Variants in RCOR1 observed in about 807,000 individuals in gnomAD.
RCOR1 encodes the protein REST corepressor 1, also known as REST corepressor.
In RCOR1, 12 loss-of-function variants were observed where a neutral mutation model predicts 64.0. The observed-to-expected ratio is 0.19, with a 90% CI of 0.12 to 0.30. RCOR1 has a LOEUF of 0.30. RCOR1 is among the 10% of genes least tolerant of loss of function. The pLI is 1.00. For missense variants in RCOR1, 502 were observed against 621.2 expected (o/e 0.81, Z 2.04); for synonymous variants, 279 against 227.2 (o/e 1.23, Z -2.05).
chr14:102,692,863 T>C (rs926539187), intron 3 of RCOR1, among the ~76,000 whole-genome samples: 14 of 151,474 alleles, frequency 9.2e-5, no homozygotes, highest in Admixed American at 3.3e-4. Context: ...CCTCCCAGGT[T>C]CAAGCAATTC....
At chr14:102,697,778 T>C (rs2139975367) in intron 3 of RCOR1, among the ~76,000 whole-genome samples, 1 of 151,910 alleles carries the variant, frequency 6.6e-6, no homozygotes, top group East Asian at 1.9e-4. Context: ...TGGAATGCAG[T>C]GGCACGATCT....
intron 3 of RCOR1, among the ~76,000 whole-genome samples, chr14:102,690,574 G>A (rs1049088488): frequency 7.9e-5 from 12 of 152,156 alleles, no homozygotes; most frequent in African/African-American, 2.7e-4. Context: ...CTGGGCAACA[G>A]CAGGACCCTG....
In RCOR1 at chr14:102,719,491, C is replaced by T. The variant is rs561583016; in HGVS notation, c.1054-1516C>T. 4.6e-5 allele frequency among the ~76,000 whole-genome samples: 7 copies of T among 152,204 alleles called. No individual in the cohort carries two copies. The East Asian group carries it at 1.4e-3, about 29-fold the overall frequency. On this transcript the variant is annotated intron_variant, in intron 8 of 11. Transcript: ENST00000262241. ...TTCAATTCCCACCTATGAGTGAGAA[C>T]ATGCGGTGTTTGGTTTTCTGTCCTT...
intron 5 of RCOR1, 86 bp from the exon 6 acceptor site, chr14:102,708,379 C>A: frequency 1.3e-6 from 1 of 773,058 alleles, no homozygotes; most frequent in Non-Finnish European, 2.3e-6. Context: ...GGATTACAGG[C>A]GTGAGCCGCT....
intron 2 of RCOR1, among the ~76,000 whole-genome samples, chr14:102,601,639 A>C (rs536064845): frequency 6.6e-6 from 1 of 152,180 alleles, no homozygotes; most frequent in Non-Finnish European, 1.5e-5. Context: ...GTTCAGAGAA[A>C]ATCTCAGCCA....
At chr14:102,652,609 C>T (rs1894615446) in intron 2 of RCOR1, among the ~76,000 whole-genome samples, 1 of 152,120 alleles carries the variant, frequency 6.6e-6, no homozygotes, top group Non-Finnish European at 1.5e-5. Flanking sequence ...TTTATTGTGT[C>T]CTTTCATTGA....
At chr14:102,676,405 T>A (rs547930731) in intron 2 of RCOR1, among the ~76,000 whole-genome samples, 18,623 of 100,062 alleles carry the variant, frequency 0.19, 1,476 homozygotes, top group East Asian at 0.24. Context: ...CACTTCCCAG[T>A]AGGGGCGGCC....
intron 2 of RCOR1, among the ~76,000 whole-genome samples, chr14:102,614,289 A>G (rs1003581568): frequency 1.5e-5 from 2 of 136,784 alleles, no homozygotes; most frequent in African/African-American, 5.6e-5. Context: ...CAGTGGCGCC[A>G]TCTCGGCTCA....
At position 102,592,667 on chromosome 14, in the gene RCOR1, G is replaced by A. The variant is rs1167937539; in HGVS notation, c.-220G>A. 10 of 1,228,842 alleles carry A rather than the reference G, an allele frequency of 8.1e-6. No individual in the cohort carries two copies. The highest frequency in any genetic ancestry group is 3.1e-4 in the Middle Eastern group (1 of 3,212). The allele number at this position is 1,228,842 out of a possible 1,614,324, so 76.1% of individuals were successfully genotyped here. A position where few individuals can be genotyped will look rare whatever the true frequency, so the allele number is the denominator to read the frequency against. On this transcript the variant is annotated 5_prime_UTR_variant, in exon 1 of 12. Transcript: ENST00000262241. ...AGTAGTTGGTGCCAGTGAAGTGAGG[G>A]CGGCGATGAGAGCGAAAGTTGCGCT...
intron 2 of RCOR1, among the ~76,000 whole-genome samples, chr14:102,646,823 G>A (rs1300220073): frequency 1.3e-5 from 2 of 152,236 alleles, no homozygotes; most frequent in African/African-American, 4.8e-5. Flanking sequence ...ATGGTTGTGT[G>A]CACACACGTG....
Position 102,593,115 on chromosome 14 carries a change from G to T in RCOR1, c.229G>T (p.Ala77Ser). The T allele has an allele frequency of 6.6e-7, 1 of 1,508,280 alleles. No individual in the cohort carries two copies. The allele number at this position is 1,508,280 out of a possible 1,614,324, so 93.4% of individuals were successfully genotyped here. Residue 77 changes from alanine to serine, a missense_variant, in exon 1 of 12, where the codon GCG becomes TCG. Physicochemically the swap from Ala to Ser is moderately conservative, Grantham distance 99. Coordinates refer to ENST00000262241, the MANE Select transcript of RCOR1 (RefSeq NM_015156.4). ...NGQNKSLAAA[A>S]PNGNSSSNSW... Reference sequence around the variant, plus strand: ...CCAGAATAAAAGTTTGGCGGCGGCGGCGCCCAATGGCAACAGCAGCAGCAA... The same window carrying T: ...CCAGAATAAAAGTTTGGCGGCGGCGTCGCCCAATGGCAACAGCAGCAGCAA...
chr14:102,651,987 G>A (rs1443217386), intron 2 of RCOR1, among the ~76,000 whole-genome samples: 1 of 152,180 alleles, frequency 6.6e-6, no homozygotes, highest in East Asian at 1.9e-4. Context: ...GGATCTTTAT[G>A]CTGAATTGGC....
chr14:102,694,831 C>CAAA (rs1358210243), intron 3 of RCOR1, among the ~76,000 whole-genome samples: 1 of 152,186 alleles, frequency 6.6e-6, no homozygotes, highest in African/African-American at 2.4e-5. Context: ...AAAGATGCCA[C>CAAA]AATATTTGTT....
chr14:102,724,634 A>G (rs1219949914), intron 11 of RCOR1, among the ~76,000 whole-genome samples: 1 of 152,010 alleles, frequency 6.6e-6, no homozygotes, highest in Admixed American at 6.6e-5. Context: ...TGCCCGGCCT[A>G]TTTCTTGAGT....
In RCOR1 at chr14:102,729,434, G is replaced by A. The variant is rs890095519; in HGVS notation, c.*2928G>A. On this transcript the variant is annotated 3_prime_UTR_variant, in exon 12 of 12. Transcript: ENST00000262241. Reference sequence around the variant, plus strand: ...ATTACATTAGTGTTGGCACACAGTCGGGTGCTAGTGTAACACAAATGCCGC... The same window carrying A: ...ATTACATTAGTGTTGGCACACAGTCAGGTGCTAGTGTAACACAAATGCCGC... 9 of 154,618 alleles carry A rather than the reference G, an allele frequency of 5.8e-5. No homozygotes were observed. Among genetic ancestry groups the A allele is most frequent in the Non-Finnish European group, 1.0e-4 (7 of 69,444 alleles). The allele number at this position is 154,618 out of a possible 1,614,324, so 9.6% of individuals were successfully genotyped here. A position where few individuals can be genotyped will look rare whatever the true frequency, so the allele number is the denominator to read the frequency against.
chr14:102,718,918 AGGTAG>A lies in RCOR1; in HGVS notation c.1054-2087_1054-2083del, dbSNP rs1896121866. ...AGTTGCCCACCTCAGCCCCCTAAGT[AGGTAG>A]GACTGCAGGTGAGCACCACCACACC... On this transcript the variant is annotated intron_variant, in intron 8 of 11. Transcript: ENST00000262241. Among the ~76,000 whole-genome samples, 4 of 152,202 alleles carry A rather than the reference AGGTAG, an allele frequency of 2.6e-5. No homozygotes were observed. In the East Asian group the frequency reaches 7.7e-4, roughly 29 times the overall value.
intron 2 of RCOR1, among the ~76,000 whole-genome samples, chr14:102,634,601 C>CATATGT (rs35215502): frequency 6.6e-6 from 1 of 150,724 alleles, no homozygotes; most frequent in Non-Finnish European, 1.5e-5. Flanking sequence ...GTTTATATTA[C>CATATGT]GTGTGTGTGT....
chr14:102,670,741 T>TTATA (rs5811078), intron 2 of RCOR1, among the ~76,000 whole-genome samples: 2,641 of 146,726 alleles, frequency 0.018, 25 homozygotes, highest in Non-Finnish European at 0.025. Flanking sequence ...GACAAGATTA[T>TTATA]TATATATATA....
intron 2 of RCOR1, among the ~76,000 whole-genome samples, chr14:102,628,276 C>T (rs962365384): frequency 2.6e-5 from 4 of 152,152 alleles, no homozygotes; most frequent in Non-Finnish European, 4.4e-5. Context: ...AAAGCACTGT[C>T]ACAGATAGAC....
Sources: allele counts gnomAD v4.1 joint callset (sites outside exome capture counted in the v4.1 genomes callset), GRCh38; gene constraint gnomAD v4.1.1; transcripts MANE v1.5; gene names NCBI Gene and HGNC (gene_info 2026-07-23, HGNC 2026-07-21).